Variants in GPC5 observed in about 807,000 individuals in gnomAD.
GPC5 encodes the protein glypican-5.
A neutral mutation model predicts 53.9 loss-of-function variants in GPC5; 47 were observed. That is an observed-to-expected ratio of 0.87 (90% CI 0.69 to 1.11). GPC5 has a LOEUF of 1.11. GPC5 is among the 50% of genes most tolerant of loss of function. The pLI is 0.00. For synonymous variants in GPC5, 286 were observed against 263.3 expected (o/e 1.09, Z -0.84); for missense variants, 748 against 713.1 (o/e 1.05, Z -0.56).
chr13:92,109,315 C>T (rs1342350676), intron 6 of GPC5, among the ~76,000 whole-genome samples: 1 of 152,066 alleles, frequency 6.6e-6, no homozygotes, highest in African/African-American at 2.4e-5. Context: ...CATCTGCCTA[C>T]TTTGGCCTCC....
At chr13:92,244,806 G>A (rs191905251) in intron 7 of GPC5, among the ~76,000 whole-genome samples, 3 of 152,060 alleles carry the variant, frequency 2.0e-5, no homozygotes, top group Non-Finnish European at 4.4e-5. Flanking sequence ...TTGGGAGGCC[G>A]AGGTGGGTGG....
rs760575394 is a variant in GPC5, at chr13:91,708,969, T to A, written c.1020+15088T>A. Among the ~76,000 whole-genome samples, 4 of 152,250 alleles carry A rather than the reference T, an allele frequency of 2.6e-5. No homozygotes were observed. The South Asian group carries it at 8.3e-4, about 31-fold the overall frequency. On this transcript the variant is annotated intron_variant, in intron 3 of 7. Transcript: ENST00000377067. ...TCTCATATATCAAAGGTTTTGTTTGTTTTCCCCACGGATGCTCAACTTTCA... is the reference window on the plus strand; with the variant it reads ...TCTCATATATCAAAGGTTTTGTTTGATTTCCCCACGGATGCTCAACTTTCA...
At chr13:92,583,358 T>C (rs1271761191) in intron 7 of GPC5, among the ~76,000 whole-genome samples, 3 of 152,236 alleles carry the variant, frequency 2.0e-5, no homozygotes, top group Non-Finnish European at 4.4e-5. Flanking sequence ...GAAAATTATC[T>C]TGCTATTTAA....
At chr13:91,558,154 G>A (rs1200919177) in intron 2 of GPC5, among the ~76,000 whole-genome samples, 1 of 152,102 alleles carries the variant, frequency 6.6e-6, no homozygotes, top group South Asian at 2.1e-4. Context: ...CTTTGGAATT[G>A]GTTGTTGCTG....
chr13:92,331,621 A>T (rs551567203), intron 7 of GPC5, among the ~76,000 whole-genome samples: 1 of 152,242 alleles, frequency 6.6e-6, no homozygotes, highest in African/African-American at 2.4e-5. Context: ...TACTCCAGGT[A>T]TAAATATTTA....
intron 5 of GPC5, among the ~76,000 whole-genome samples, chr13:91,781,682 G>A (rs2037801037): frequency 6.6e-6 from 1 of 152,154 alleles, no homozygotes; most frequent in Non-Finnish European, 1.5e-5. Flanking sequence ...TCCTCATTTT[G>A]TGTATGAGAA....
At chr13:91,629,537 G>C (rs938889161) in intron 2 of GPC5, among the ~76,000 whole-genome samples, 9 of 152,142 alleles carry the variant, frequency 5.9e-5, no homozygotes, top group African/African-American at 1.9e-4. Context: ...AAGGTACTTG[G>C]GAGGCTGAGA....
intron 7 of GPC5, among the ~76,000 whole-genome samples, chr13:92,261,174 GA>G (rs578009859): frequency 4.7e-4 from 72 of 152,160 alleles, no homozygotes; most frequent in African/African-American, 1.6e-3. Flanking sequence ...TTATTAAATG[GA>G]AAAACTAGAA....
intron 7 of GPC5, among the ~76,000 whole-genome samples, chr13:92,455,782 C>T (rs1878241310): frequency 6.6e-6 from 1 of 152,296 alleles, no homozygotes; most frequent in Non-Finnish European, 1.5e-5. Flanking sequence ...AGAATTGTAA[C>T]ATCTGTCATT....
At chr13:92,845,254 A>C (rs1459201017) in intron 7 of GPC5, among the ~76,000 whole-genome samples, 1 of 152,174 alleles carries the variant, frequency 6.6e-6, no homozygotes, top group Non-Finnish European at 1.5e-5. Flanking sequence ...TGATAAGAAA[A>C]TAACGTCCAG....
intron 7 of GPC5, among the ~76,000 whole-genome samples, chr13:92,397,070 C>T (rs1355092187): frequency 6.6e-6 from 1 of 152,150 alleles, no homozygotes; most frequent in Non-Finnish European, 1.5e-5. Flanking sequence ...GGAGATAAAA[C>T]CATAAAAATG....
chr13:92,449,598 A>G, intron 7 of GPC5, among the ~76,000 whole-genome samples: 1 of 152,210 alleles, frequency 6.6e-6, no homozygotes, highest in East Asian at 1.9e-4. Flanking sequence ...CAGTAAACAA[A>G]TTAGCAAATG....
At chr13:91,949,028 T>C (rs527754973) in intron 6 of GPC5, among the ~76,000 whole-genome samples, 4 of 152,326 alleles carry the variant, frequency 2.6e-5, no homozygotes, top group African/African-American at 7.2e-5. Context: ...CACAGATGAT[T>C]ACCAGGTAGT....
At chr13:92,040,068 G>A (rs1161998686) in intron 6 of GPC5, among the ~76,000 whole-genome samples, 2 of 152,128 alleles carry the variant, frequency 1.3e-5, no homozygotes, top group Non-Finnish European at 1.5e-5. Context: ...AAACAATGAG[G>A]ATGTTGGTGG....
intron 2 of GPC5, among the ~76,000 whole-genome samples, chr13:91,673,782 T>G (rs563408014): frequency 6.6e-6 from 1 of 152,110 alleles, no homozygotes; most frequent in East Asian, 1.9e-4. Context: ...AATAGAAAAA[T>G]TATAGAAACA....
At chr13:92,214,854 C>T (rs556278045) in intron 7 of GPC5, among the ~76,000 whole-genome samples, 1 of 152,300 alleles carries the variant, frequency 6.6e-6, no homozygotes, top group East Asian at 1.9e-4. Flanking sequence ...AAGAGACAGA[C>T]AGCTCCATGA....
chr13:91,938,617 T>A (rs2039893629), intron 6 of GPC5, among the ~76,000 whole-genome samples: 1 of 152,130 alleles, frequency 6.6e-6, no homozygotes, highest in Non-Finnish European at 1.5e-5. Context: ...TTAAAGAGCA[T>A]CCTGTACCCA....
intron 6 of GPC5, among the ~76,000 whole-genome samples, chr13:92,044,918 T>A (rs2040969658): frequency 6.6e-6 from 1 of 152,178 alleles, no homozygotes; most frequent in Non-Finnish European, 1.5e-5. Context: ...TTTATCATGA[T>A]CACTATCATT....
At position 92,065,516 on chromosome 13, in the gene GPC5, C is replaced by T. The variant is rs543641784; in HGVS notation, c.1402-79314C>T. Among the ~76,000 whole-genome samples, 7 of 152,174 alleles carry T rather than the reference C, an allele frequency of 4.6e-5. No individual in the cohort carries two copies. In the South Asian group the frequency reaches 1.5e-3, roughly 32 times the overall value. ...CTGAATATTAGTGTGTAAATGAGTA[C>T]TCTAAACCAATAGAGAATTAACTTA... On this transcript the variant is annotated intron_variant, in intron 6 of 7. Transcript: ENST00000377067.
Sources: allele counts gnomAD v4.1 joint callset (sites outside exome capture counted in the v4.1 genomes callset), GRCh38; gene constraint gnomAD v4.1.1; transcripts MANE v1.5; gene names NCBI Gene and HGNC (gene_info 2026-07-23, HGNC 2026-07-21).